ZNF654: variants seen among roughly 807,000 people sequenced by gnomAD.
ZNF654 encodes the protein zinc finger protein 654.
ZNF654 carries 19 observed loss-of-function variants against 95.3 expected under a neutral mutation model. That is an observed-to-expected ratio of 0.20 (90% CI 0.14 to 0.29). The LOEUF is 0.29. ZNF654 is among the 10% of genes least tolerant of loss of function. The pLI, the probability that ZNF654 is intolerant of heterozygous loss-of-function variation, is 1.00. For synonymous variants in ZNF654, 413 were observed against 457.9 expected (o/e 0.90, Z 1.25); for missense variants, 1,046 against 1,341.0 (o/e 0.78, Z 3.44).
chr3:88,067,392 C>T (rs1449456394), intron 1 of ZNF654, among the ~76,000 whole-genome samples: 3 of 152,150 alleles, frequency 2.0e-5, no homozygotes, highest in Non-Finnish European at 4.4e-5. Context: ...AGCCAGAGCT[C>T]AAAAGGGAGG....
chr3:88,144,425 T>G lies in ZNF654; in HGVS notation c.*2773T>G, dbSNP rs537202513. ...GGTACTGTAAAACACCTTTTCAGAA[T>G]GAGTAAATGCTGCATATGCATTTTG... On this transcript the variant is annotated 3_prime_UTR_variant, in exon 9 of 9. Transcript: ENST00000636215. 4.6e-5 allele frequency: 7 copies of G among 152,548 alleles called. No individual in the cohort carries two copies. Among genetic ancestry groups the G allele is most frequent in the Non-Finnish European group, 8.8e-5 (6 of 67,860 alleles). The allele number at this position is 152,548 out of a possible 1,614,324, so 9.4% of individuals were successfully genotyped here.
At chr3:88,071,881 A>G (rs1306493608) in intron 1 of ZNF654, among the ~76,000 whole-genome samples, 7 of 152,196 alleles carry the variant, frequency 4.6e-5, no homozygotes, top group Non-Finnish European at 1.5e-5. Flanking sequence ...AAGACTTTTT[A>G]TCTTCTCTCT....
At chr3:88,141,529 T>A (rs1211126723) in intron 8 of ZNF654, 116 bp from the exon 9 acceptor site, 2 of 653,208 alleles carry the variant, frequency 3.1e-6, no homozygotes, top group Non-Finnish European at 4.7e-6. Context: ...AGCTTGTCTG[T>A]CTACTAATAT....
At chr3:88,062,306 A>G (rs1222872873) in intron 1 of ZNF654, among the ~76,000 whole-genome samples, 2 of 152,214 alleles carry the variant, frequency 1.3e-5, no homozygotes. Flanking sequence ...TCCATTATGT[A>G]GACATGCTGG....
chr3:88,110,568 G>C (rs1159988254), intron 2 of ZNF654, among the ~76,000 whole-genome samples: 1 of 152,098 alleles, frequency 6.6e-6, no homozygotes, highest in Admixed American at 6.6e-5. Flanking sequence ...GCTCGGGCCA[G>C]ATTTGGCCTG....
rs142338457 is a variant in ZNF654 at position 88,131,845 on chromosome 3, T to C, written c.893+2019T>C. 1.2e-4 allele frequency among the ~76,000 whole-genome samples: 19 copies of C among 152,274 alleles called. No homozygotes were observed. In the East Asian group the frequency reaches 3.7e-3, roughly 29 times the overall value. On this transcript the variant is annotated intron_variant, in intron 6 of 8. Transcript: ENST00000636215. The stretch of plus-strand genomic sequence containing the variant: ...TTACTGTAATTTGATGAGCAGGATT[T>C]TTTTTCAGCCTCCAAAGTCTGTGCT...
chr3:88,126,005 A>C, intron 3 of ZNF654, 129 bp from the exon 4 acceptor site: 1 of 998,234 alleles, frequency 1.0e-6, no homozygotes, highest in Non-Finnish European at 1.4e-6. Context: ...AGGTTACAAT[A>C]GTAACCCTTT....
At chr3:88,125,997 G>T in intron 3 of ZNF654, 137 bp from the exon 4 acceptor site, 5 of 923,026 alleles carry the variant, frequency 5.4e-6, no homozygotes, top group Non-Finnish European at 7.6e-6. Context: ...CCCTACTTAG[G>T]TTACAATAGT....
In ZNF654 at chr3:88,139,829, A is replaced by T; in HGVS notation, c.2160A>T (p.Glu720Asp). Residue 720 changes from glutamate to aspartate, a missense_variant, in exon 8 of 9, where the codon GAA (glutamate) becomes GAT (aspartate). Transcript: ENST00000636215. ...YEEDDYDLNQ[E>D]TSVIHKINGT... is the part of the protein sequence containing the mutation. ...AAGATGATTATGACCTGAATCAAGA[A>T]ACTTCAGTAATTCATAAAATCAATG... 4 of 1,571,504 alleles carry T rather than the reference A, an allele frequency of 2.5e-6. No individual in the cohort carries two copies. The highest frequency in any genetic ancestry group is 3.5e-6 in the Non-Finnish European group (4 of 1,157,650).
Position 88,138,881 on chromosome 3 carries a change from C to T in ZNF654, c.1212C>T (p.Ser404=). ...TCTCAATATTTTTTCTGGAGCGCTC[C>T]TTAGAAGCGTATCGTACTGTTGAAG... ...CALSIFFLER[S]LEAYRTVEEL... is the part of the protein sequence containing the mutation. The change falls in exon 8 of 9, where the codon TCC becomes TCT. Residue 404 remains serine (S), a synonymous_variant. Transcript: ENST00000636215. 8.1e-7 allele frequency: 1 copy of T among 1,232,322 alleles called. No individual in the cohort carries two copies. The highest frequency in any genetic ancestry group is 1.0e-6 in the Non-Finnish European group (1 of 988,188). The allele number at this position is 1,232,322 out of a possible 1,614,324, so 76.3% of individuals were successfully genotyped here.
rs577079697 is a variant in ZNF654, at chr3:88,139,205, T to G, written c.1536T>G (p.Pro512=). 8.9e-6 allele frequency: 13 copies of G among 1,460,296 alleles called. No homozygotes were observed. The South Asian group carries it at 1.8e-4, about 20-fold the overall frequency. The allele number at this position is 1,460,296 out of a possible 1,614,324, so 90.5% of individuals were successfully genotyped here. A position where few individuals can be genotyped will look rare whatever the true frequency, so the allele number is the denominator to read the frequency against. The stretch of plus-strand genomic sequence containing the variant: ...ATCAGAGCACTGGAGAGACTGATCC[T>G]GATGATGTATCTGGAGTGCAGCCTA... ...LTDQSTGETD[P]DDVSGVQPKG... The change falls in exon 8 of 9, where the codon CCT becomes CCG. Residue 512 remains proline, a synonymous_variant. Transcript: ENST00000636215.
chr3:88,086,368 G>C lies in ZNF654; in HGVS notation c.298G>C (p.Glu100Gln). 6.5e-7 allele frequency: 1 copy of C among 1,535,452 alleles called. No homozygotes were observed. Among genetic ancestry groups the C allele is most frequent in the Non-Finnish European group, 8.7e-7 (1 of 1,146,592 alleles). Residue 100 changes from glutamate to glutamine, a missense_variant, in exon 2 of 9, where the codon GAG (glutamate) becomes CAG (glutamine). This residue lies in a region of ZNF654 where 91 missense variants were observed against 190.5 expected (regional missense o/e 0.48). Coordinates refer to ENST00000636215, the MANE Select transcript of ZNF654 (RefSeq NM_001350134.2). ...TASASFPDEC[E>Q]HVQYVLSSLA... ...CAGTGCATCATTCCCAGATGAATGTGAGCATGTACAATATGTTTTGAGTAG... is the reference window on the plus strand; with the variant it reads ...CAGTGCATCATTCCCAGATGAATGTCAGCATGTACAATATGTTTTGAGTAG...
intron 3 of ZNF654, among the ~76,000 whole-genome samples, chr3:88,120,147 A>C (rs1705680498): frequency 6.6e-6 from 1 of 152,168 alleles, no homozygotes; most frequent in African/African-American, 2.4e-5. Flanking sequence ...AGTCATCTTA[A>C]AAATTATTAA....
chr3:88,076,761 C>T (rs1313770552), intron 1 of ZNF654, among the ~76,000 whole-genome samples: 1 of 152,300 alleles, frequency 6.6e-6, no homozygotes, highest in East Asian at 1.9e-4. Flanking sequence ...ATATTACTCT[C>T]AGCTCTGATT....
intron 2 of ZNF654, among the ~76,000 whole-genome samples, chr3:88,087,821 A>G (rs905524317): frequency 1.3e-5 from 2 of 152,222 alleles, no homozygotes; most frequent in African/African-American, 4.8e-5. Context: ...GGCCTTACGG[A>G]CAGGTTGGGG....
intron 7 of ZNF654, among the ~76,000 whole-genome samples, chr3:88,136,435 CTCAGTACTGTGAAGAG>C (rs1706787861): frequency 6.6e-6 from 1 of 152,066 alleles, no homozygotes; most frequent in Non-Finnish European, 1.5e-5. Flanking sequence ...ATTCAATTGC[CTCAGTACTGTGAAGAG>C]TCATAAATAC....
chr3:88,121,877 G>A (rs13063511), intron 3 of ZNF654, among the ~76,000 whole-genome samples: 107,500 of 152,046 alleles, frequency 0.71, 41,717 homozygotes, highest in South Asian at 0.91. Flanking sequence ...TCTTCATTTC[G>A]TTCAGACTCC....
At chr3:88,141,390 G>A (rs1197324195) in intron 8 of ZNF654, among the ~76,000 whole-genome samples, 1 of 151,956 alleles carries the variant, frequency 6.6e-6, no homozygotes, top group African/African-American at 2.4e-5. Context: ...TATAATAAAA[G>A]TTGTAATTTT....
intron 1 of ZNF654, among the ~76,000 whole-genome samples, chr3:88,062,190 AAGGT>A (rs1216351763): frequency 1.3e-5 from 2 of 152,202 alleles, no homozygotes; most frequent in African/African-American, 2.4e-5. Flanking sequence ...TTGAGGATGA[AAGGT>A]AGGGGAAAGT....
Sources: gnomAD v4.1 joint callset for allele counts (sites outside exome capture counted in the v4.1 genomes callset) on GRCh38, gnomAD v4.1.1 for gene constraint, gnomAD v4.1.1 regional missense constraint, MANE v1.5 for transcripts, NCBI Gene and HGNC (gene_info 2026-07-23, HGNC 2026-07-21) for gene names.